The following LGR4 variants were observed in gnomAD, a reference collection of about 807,000 sequenced individuals.
LGR4 encodes the protein leucine rich repeat containing G protein-coupled receptor 4.
In LGR4, 44 loss-of-function variants were observed where a neutral mutation model predicts 84.8. The ratio of observed to expected loss-of-function variants is 0.52; its 90% CI spans 0.41 to 0.67. The LOEUF is 0.67. Ranked by LOEUF, LGR4 falls within the 30% of genes least tolerant of loss-of-function variation. The pLI is 0.00. For synonymous variants in LGR4, 429 were observed against 434.3 expected (o/e 0.99, Z 0.15); for missense variants, 1,032 against 1,131.4 (o/e 0.91, Z 1.26).
chr11:27,380,903 T>C lies in LGR4; in HGVS notation c.822A>G (p.Leu274=), dbSNP rs750241735. The change falls in exon 8 of 18, where the codon TTA becomes TTG. Residue 274 remains leucine, a synonymous_variant. Coordinates refer to ENST00000379214, the MANE Select transcript of LGR4 (RefSeq NM_018490.5). ...CTTTCAAAAATACTTACATAGTTCT[T>C]AAGAGTGGATTACCATCAAATGCTC... is the stretch of plus-strand genomic sequence containing the variant. ...PDGAFDGNPL[L]RTIHLYDNPL... 6.5e-7 allele frequency: 1 copy of C among 1,538,246 alleles called. No homozygotes were observed. The highest frequency in any genetic ancestry group is 1.7e-5 in the Admixed American group (1 of 59,666).
chr11:27,420,582 T>C (rs1863908632), intron 1 of LGR4, among the ~76,000 whole-genome samples: 1 of 152,094 alleles, frequency 6.6e-6, no homozygotes, highest in African/African-American at 2.4e-5. Context: ...TAAAAATAAG[T>C]ATGTTCATAA....
chr11:27,454,586 C>T (rs1054872126), intron 1 of LGR4, among the ~76,000 whole-genome samples: 1 of 151,952 alleles, frequency 6.6e-6, no homozygotes, highest in Non-Finnish European at 1.5e-5. Flanking sequence ...ATGGTGAAAC[C>T]CTGTCTCTAC....
At chr11:27,374,104 C>T (rs945589680) in intron 13 of LGR4, 58 bp from the exon 14 acceptor site, 4 of 1,070,880 alleles carry the variant, frequency 3.7e-6, no homozygotes, top group East Asian at 2.4e-5. Flanking sequence ...ATGCCACTTA[C>T]TTAGACTATA....
chr11:27,468,701 G>GAA (rs35761131), intron 1 of LGR4, among the ~76,000 whole-genome samples: 1 of 136,992 alleles, frequency 7.3e-6, no homozygotes. Flanking sequence ...ATTGTCACGA[G>GAA]AAAAAAAAAA....
chr11:27,439,390 G>C (rs1864262991), intron 1 of LGR4, among the ~76,000 whole-genome samples: 2 of 152,136 alleles, frequency 1.3e-5, no homozygotes, highest in African/African-American at 4.8e-5. Context: ...GCATGTGTCA[G>C]GATGGATTTC....
intron 1 of LGR4, among the ~76,000 whole-genome samples, chr11:27,454,672 A>G (rs1297719999): frequency 6.6e-6 from 1 of 151,888 alleles, no homozygotes; most frequent in Non-Finnish European, 1.5e-5. Flanking sequence ...GAGGCAGGGG[A>G]ATTGCTTGAA....
At position 27,368,912 on chromosome 11, in the gene LGR4, C is replaced by T; in HGVS notation, c.1811G>A (p.Arg604Lys). 1 of 1,614,184 alleles carries T rather than the reference C, an allele frequency of 6.2e-7. No homozygotes were observed. Among genetic ancestry groups the T allele is most frequent in the South Asian group, 1.1e-5 (1 of 91,076 alleles). The change falls in exon 18 of 18, where the codon AGA (arginine) becomes AAA (lysine). Residue 604 changes from arginine (R) to lysine (K), a missense_variant. By Grantham distance (26) the Arg-to-Lys change is conservative. Coordinates refer to ENST00000379214, the MANE Select transcript of LGR4 (RefSeq NM_018490.5). The stretch of plus-strand genomic sequence containing the variant: ...CCACCAAATGCCAAATTCAGCGAAT[C>T]TGCCCCAGGACACAGCATCAAGAAA... ...LTFLDAVSWG[R>K]FAEFGIWWET...
intron 1 of LGR4, among the ~76,000 whole-genome samples, chr11:27,452,157 T>C (rs946930850): frequency 2.6e-4 from 40 of 152,214 alleles, no homozygotes; most frequent in African/African-American, 8.9e-4. Context: ...GCTGTCATCT[T>C]ACCTCAGAGA....
intron 2 of LGR4, among the ~76,000 whole-genome samples, chr11:27,401,322 C>T (rs1863498790): frequency 6.6e-6 from 1 of 152,190 alleles, no homozygotes; most frequent in African/African-American, 2.4e-5. Context: ...TTAAGTTCCA[C>T]CTGCACCGAA....
At chr11:27,447,333 A>G (rs1241034668) in intron 1 of LGR4, among the ~76,000 whole-genome samples, 1 of 152,080 alleles carries the variant, frequency 6.6e-6, no homozygotes, top group African/African-American at 2.4e-5. Context: ...TGCCAAAACC[A>G]AGGTGGTGTA....
chr11:27,454,709 C>T (rs958104586), intron 1 of LGR4, among the ~76,000 whole-genome samples: 11 of 149,958 alleles, frequency 7.3e-5, no homozygotes, highest in African/African-American at 2.5e-4. Flanking sequence ...TGCAGTGAGC[C>T]GAGATCATGC....
At chr11:27,446,011 C>A (rs1864382646) in intron 1 of LGR4, among the ~76,000 whole-genome samples, 2 of 152,136 alleles carry the variant, frequency 1.3e-5, no homozygotes, top group Non-Finnish European at 2.9e-5. Flanking sequence ...CTATGTCCTT[C>A]AAATTATTCA....
chr11:27,462,838 T>C (rs890857394), intron 1 of LGR4, among the ~76,000 whole-genome samples: 2 of 151,586 alleles, frequency 1.3e-5, no homozygotes, highest in African/African-American at 2.4e-5. Flanking sequence ...CCTCCTGAAC[T>C]CGGATGTCTT....
intron 12 of LGR4, 138 bp from the exon 13 acceptor site, chr11:27,376,508 T>C (rs1862985088): frequency 8.3e-6 from 4 of 481,064 alleles, no homozygotes; most frequent in Admixed American, 7.7e-5. Flanking sequence ...CATTTCTTAG[T>C]TGAGTTTTTT....
At chr11:27,398,587 G>A (rs887433869) in intron 2 of LGR4, among the ~76,000 whole-genome samples, 4 of 152,182 alleles carry the variant, frequency 2.6e-5, no homozygotes, top group Middle Eastern at 3.2e-3. Flanking sequence ...CAGCTGTTGC[G>A]AGGAGACGTC....
intron 6 of LGR4, among the ~76,000 whole-genome samples, chr11:27,382,615 A>G (rs1170114608): frequency 6.6e-6 from 1 of 152,224 alleles, no homozygotes; most frequent in Non-Finnish European, 1.5e-5. Flanking sequence ...TTTGTAAATG[A>G]CAGCGTGAAA....
At chr11:27,371,544 C>G in intron 17 of LGR4, 71 bp downstream of exon 17, 1 of 1,046,874 alleles carries the variant, frequency 9.6e-7, no homozygotes, top group Non-Finnish European at 1.5e-6. Flanking sequence ...CATCTATACC[C>G]AGGACATTTA....
intron 2 of LGR4, among the ~76,000 whole-genome samples, chr11:27,396,088 C>A (rs576985347): frequency 6.6e-6 from 1 of 152,146 alleles, no homozygotes; most frequent in African/African-American, 2.4e-5. Flanking sequence ...TTTCTGAGTC[C>A]CTGAGTGGTT....
At chr11:27,441,817 G>C (rs1331140879) in intron 1 of LGR4, among the ~76,000 whole-genome samples, 2 of 152,108 alleles carry the variant, frequency 1.3e-5, no homozygotes, top group African/African-American at 4.8e-5. Context: ...GTCCATGTTG[G>C]GTGAATGACA....
Sources: gnomAD v4.1 joint callset for allele counts (sites outside exome capture counted in the v4.1 genomes callset) on GRCh38, gnomAD v4.1.1 for gene constraint, MANE v1.5 for transcripts, NCBI Gene and HGNC (gene_info 2026-07-23, HGNC 2026-07-21) for gene names.